Variants in WASF3 observed in about 807,000 individuals in gnomAD.
The protein encoded by WASF3 is actin-binding protein WASF3.
WASF3 carries 11 observed loss-of-function variants against 46.6 expected under a neutral mutation model. The ratio of observed to expected loss-of-function variants is 0.24; its 90% CI spans 0.15 to 0.39. WASF3 has a LOEUF of 0.39. Ranked by LOEUF, WASF3 falls within the 10% of genes least tolerant of loss-of-function variation. The pLI is 1.00. For missense variants in WASF3, 576 were observed against 669.8 expected, an observed-to-expected ratio of 0.86 and a Z score of 1.55; for synonymous variants, 242 against 259.7, an observed-to-expected ratio of 0.93 and a Z score of 0.65.
intron 2 of WASF3, among the ~76,000 whole-genome samples, chr13:26,615,253 A>G (rs543010841): frequency 1.5e-4 from 22 of 151,704 alleles, no homozygotes; most frequent in Non-Finnish European, 2.9e-4. Flanking sequence ...GTGATCTCCT[A>G]CTTTGTCATA....
chr13:26,652,859 A>G (rs140479377), intron 3 of WASF3, among the ~76,000 whole-genome samples: 2,998 of 152,192 alleles, frequency 0.02, 64 homozygotes, highest in South Asian at 0.089. Flanking sequence ...GTAGCTTTAA[A>G]TGTTATGTTA....
At chr13:26,600,781 C>A (rs941217298) in intron 1 of WASF3, among the ~76,000 whole-genome samples, 3 of 152,102 alleles carry the variant, frequency 2.0e-5, no homozygotes, top group African/African-American at 7.2e-5. Context: ...TACTTATTAC[C>A]TCCAAGAAGA....
intron 1 of WASF3, among the ~76,000 whole-genome samples, chr13:26,608,691 A>G (rs1880877896): frequency 6.6e-6 from 1 of 152,170 alleles, no homozygotes; most frequent in South Asian, 2.1e-4. Context: ...CGTTGTAGCA[A>G]TGGGGTATCG....
chr13:26,571,806 A>G (rs912566260), intron 1 of WASF3, among the ~76,000 whole-genome samples: 1 of 152,246 alleles, frequency 6.6e-6, no homozygotes, highest in African/African-American at 2.4e-5. Context: ...TTACAAATCA[A>G]CTCTGACAAC....
intron 1 of WASF3, among the ~76,000 whole-genome samples, chr13:26,566,210 G>A (rs1362663231): frequency 6.6e-6 from 1 of 152,142 alleles, no homozygotes; most frequent in Non-Finnish European, 1.5e-5. Context: ...GATAAACTGT[G>A]TGTAAATGAA....
chr13:26,672,217 C>G (rs775140720), intron 6 of WASF3, among the ~76,000 whole-genome samples: 4 of 152,158 alleles, frequency 2.6e-5, no homozygotes, highest in Non-Finnish European at 5.9e-5. Context: ...AAAAGTAGTT[C>G]CTAAACTTTG....
At chr13:26,659,833 G>A (rs551836375) in intron 3 of WASF3, among the ~76,000 whole-genome samples, 19 of 152,274 alleles carry the variant, frequency 1.2e-4, no homozygotes, top group Non-Finnish European at 2.4e-4. Context: ...GCTCTTCCAA[G>A]AGGGGAAGAT....
chr13:26,566,226 C>T (rs192335801), intron 1 of WASF3, among the ~76,000 whole-genome samples: 3 of 152,186 alleles, frequency 2.0e-5, no homozygotes, highest in East Asian at 1.9e-4. Context: ...ATGAAAGTTA[C>T]AGATAGAGTT....
At chr13:26,564,900 G>GTTTTTTTTTTTT (rs66809412) in intron 1 of WASF3, among the ~76,000 whole-genome samples, 11 of 81,632 alleles carry the variant, frequency 1.3e-4, no homozygotes, top group African/African-American at 2.4e-4. Context: ...CAAGGTTGTG[G>GTTTTTTTTTTTT]TTTTTTTTTT....
chr13:26,619,691 C>T (rs1485732135), intron 2 of WASF3, among the ~76,000 whole-genome samples: 1 of 152,154 alleles, frequency 6.6e-6, no homozygotes, highest in African/African-American at 2.4e-5. Flanking sequence ...ACAAAACCAT[C>T]TGTTTAATAA....
chr13:26,661,636 A>G (rs943045363), intron 3 of WASF3, among the ~76,000 whole-genome samples: 2 of 152,172 alleles, frequency 1.3e-5, no homozygotes, highest in African/African-American at 4.8e-5. Context: ...TATATACTCA[A>G]GTAGAGTTGC....
At chr13:26,673,914 C>T (rs576766214) in intron 6 of WASF3, among the ~76,000 whole-genome samples, 1 of 152,144 alleles carries the variant, frequency 6.6e-6, no homozygotes, top group African/African-American at 2.4e-5. Context: ...GGCTGGGTTC[C>T]AAGGGAGGGT....
intron 3 of WASF3, among the ~76,000 whole-genome samples, chr13:26,662,628 A>T (rs534628258): frequency 6.6e-6 from 1 of 152,314 alleles, no homozygotes; most frequent in African/African-American, 2.4e-5. Context: ...TGGGAACAGT[A>T]GACACTGGGG....
intron 1 of WASF3, among the ~76,000 whole-genome samples, chr13:26,609,869 A>T (rs1275960180): frequency 6.6e-6 from 1 of 152,204 alleles, no homozygotes; most frequent in Non-Finnish European, 1.5e-5. Flanking sequence ...TGGTAATAAC[A>T]CCTTCAGTAC....
In WASF3 at chr13:26,619,463, T is replaced by A. The variant is rs568101829; in HGVS notation, c.-11+6405T>A. 8.6e-4 allele frequency: 131 copies of A among 152,312 alleles called. 1 individual carries two copies. Among genetic ancestry groups the A allele is most frequent in the African/African-American group, 3.1e-3 (127 of 41,576 alleles). The allele number at this position is 152,312 out of a possible 1,614,324, so 9.4% of individuals were successfully genotyped here. On this transcript the variant is annotated intron_variant, in intron 2 of 9. Coordinates refer to ENST00000335327, the MANE Select transcript of WASF3 (RefSeq NM_006646.6). The stretch of plus-strand genomic sequence containing the variant: ...CAAATGGAATTTGACTTACCAGATG[T>A]CGTACTGAATCATGGTCTGCAGAGA...
At chr13:26,668,681 G>A (rs1161498816) in intron 5 of WASF3, among the ~76,000 whole-genome samples, 1 of 152,210 alleles carries the variant, frequency 6.6e-6, no homozygotes, top group Non-Finnish European at 1.5e-5. Flanking sequence ...AGCTGTGCTA[G>A]GAAAGTGCAG....
At chr13:26,650,706 G>A (rs1426441495) in intron 3 of WASF3, among the ~76,000 whole-genome samples, 1 of 152,146 alleles carries the variant, frequency 6.6e-6, no homozygotes, top group Non-Finnish European at 1.5e-5. Flanking sequence ...TTTTTTAAAT[G>A]CCAGAACTGA....
chr13:26,553,384 C>T (rs990449119), upstream of WASF3, among the ~76,000 whole-genome samples: 2 of 151,826 alleles, frequency 1.3e-5, no homozygotes, highest in African/African-American at 2.4e-5. Context: ...CGAGTCTCCA[C>T]GGTTCCATTT....
intron 3 of WASF3, among the ~76,000 whole-genome samples, chr13:26,659,356 A>T (rs150736970): frequency 6.6e-6 from 1 of 152,340 alleles, no homozygotes; most frequent in African/African-American, 2.4e-5. Context: ...TTGGAGTGGG[A>T]CATACAAGCG....
Sources: gnomAD v4.1 joint callset for allele counts (sites outside exome capture counted in the v4.1 genomes callset) on GRCh38, gnomAD v4.1.1 for gene constraint, MANE v1.5 for transcripts, NCBI Gene and HGNC (gene_info 2026-07-23, HGNC 2026-07-21) for gene names.